Variants in MAGI2 observed in about 807,000 individuals in gnomAD.
MAGI2 encodes membrane associated guanylate kinase, WW and PDZ domain containing 2.
MAGI2 carries 35 observed loss-of-function variants against 133.3 expected under a neutral mutation model. That is an observed-to-expected ratio of 0.26 (90% confidence interval 0.20 to 0.35). The LOEUF (loss-of-function observed/expected upper bound fraction) is 0.35, where lower values mean the gene tolerates loss of function less well. MAGI2 is among the 10% of genes least tolerant of loss of function. The pLI is 1.00. For missense variants in MAGI2, 1,636 were observed against 1,863.4 expected (o/e 0.88, Z 2.25); for synonymous variants, 729 against 710.6 (o/e 1.03, Z -0.41).
intron 1 of MAGI2, among the ~76,000 whole-genome samples, chr7:79,252,742 A>T (rs1833402066): frequency 6.6e-6 from 1 of 152,186 alleles, no homozygotes; most frequent in African/African-American, 2.4e-5. Flanking sequence ...CCTACTATGT[A>T]CCCACAAATA....
intron 2 of MAGI2, among the ~76,000 whole-genome samples, chr7:78,834,592 T>C (rs975319684): frequency 3.9e-5 from 6 of 152,208 alleles, no homozygotes; most frequent in Admixed American, 6.5e-5. Flanking sequence ...AGTTGATGCA[T>C]TTAGGTTGCT....
chr7:78,247,765 CA>C (rs1426953425), intron 10 of MAGI2, among the ~76,000 whole-genome samples: 1 of 151,680 alleles, frequency 6.6e-6, no homozygotes, highest in African/African-American at 2.4e-5. Flanking sequence ...GAGGGGAAAA[CA>C]AAAACAAAAA....
intron 3 of MAGI2, among the ~76,000 whole-genome samples, chr7:78,611,239 T>C (rs1309165462): frequency 1.3e-5 from 2 of 152,232 alleles, no homozygotes; most frequent in Non-Finnish European, 2.9e-5. Flanking sequence ...TATTATTTCA[T>C]TGGCCCTGGC....
intron 1 of MAGI2, among the ~76,000 whole-genome samples, chr7:79,174,341 T>C (rs1017550772): frequency 5.9e-5 from 9 of 152,028 alleles, no homozygotes; most frequent in African/African-American, 1.9e-4. Context: ...GATATATGTA[T>C]ATAAGATCGC....
chr7:79,336,495 A>G (rs1466208753), intron 1 of MAGI2, among the ~76,000 whole-genome samples: 3 of 152,196 alleles, frequency 2.0e-5, no homozygotes, highest in Admixed American at 6.5e-5. Context: ...CAAATTATGT[A>G]TAAGAAAAAA....
intron 2 of MAGI2, among the ~76,000 whole-genome samples, chr7:78,793,554 T>C (rs539184375): frequency 9.7e-4 from 147 of 152,284 alleles, no homozygotes; most frequent in Non-Finnish European, 1.8e-3. Flanking sequence ...GACTGATAGA[T>C]GGTTCAATAT....
chr7:79,200,445 T>TA (rs34446005), intron 1 of MAGI2, among the ~76,000 whole-genome samples: 1,407 of 137,910 alleles, frequency 0.01, 15 homozygotes, highest in Non-Finnish European at 0.012. Flanking sequence ...TCTACAAAAT[T>TA]AAAAAAAAAA....
intron 6 of MAGI2, among the ~76,000 whole-genome samples, chr7:78,467,742 T>C (rs972510755): frequency 5.3e-5 from 8 of 152,124 alleles, no homozygotes; most frequent in Admixed American, 2.0e-4. Flanking sequence ...ACTTACGTAC[T>C]AGGTTGTTTA....
chr7:78,685,489 C>T (rs1816186564), intron 2 of MAGI2, among the ~76,000 whole-genome samples: 1 of 151,170 alleles, frequency 6.6e-6, no homozygotes, highest in Admixed American at 6.6e-5. Flanking sequence ...TTAACAGCCC[C>T]ACGAGTAAAA....
chr7:79,214,630 A>G (rs1437925319), intron 1 of MAGI2, among the ~76,000 whole-genome samples: 1 of 141,396 alleles, frequency 7.1e-6, no homozygotes, highest in Non-Finnish European at 1.5e-5. Context: ...AAATATATAT[A>G]AATTTTATAT....
chr7:78,749,763 C>T (rs1378372693), intron 2 of MAGI2, among the ~76,000 whole-genome samples: 6 of 152,074 alleles, frequency 3.9e-5, no homozygotes, highest in Non-Finnish European at 7.4e-5. Context: ...ATAGATGATG[C>T]TGGCAGATAG....
At chr7:78,791,666 C>A (rs962355009) in intron 2 of MAGI2, among the ~76,000 whole-genome samples, 6 of 151,814 alleles carry the variant, frequency 4.0e-5, no homozygotes, top group Admixed American at 3.9e-4. Context: ...TCTCCTGCCT[C>A]AGCCTCCCGA....
At chr7:79,343,605 A>G (rs960519143) in intron 1 of MAGI2, among the ~76,000 whole-genome samples, 1 of 151,884 alleles carries the variant, frequency 6.6e-6, no homozygotes, top group African/African-American at 2.4e-5. Flanking sequence ...TAATTTTGAA[A>G]GTAATATATA....
At chr7:78,553,215 T>A (rs922543047) in intron 3 of MAGI2, among the ~76,000 whole-genome samples, 1 of 152,220 alleles carries the variant, frequency 6.6e-6, no homozygotes, top group African/African-American at 2.4e-5. Flanking sequence ...CTGTTCGCAG[T>A]CTTACAATTG....
intron 2 of MAGI2, among the ~76,000 whole-genome samples, chr7:78,779,048 A>G (rs1013508490): frequency 1.3e-5 from 2 of 151,916 alleles, no homozygotes; most frequent in African/African-American, 4.8e-5. Flanking sequence ...TGGGGACTGC[A>G]GGCACATGTG....
chr7:78,401,187 CA>C (rs34587769), intron 6 of MAGI2, among the ~76,000 whole-genome samples: 32 of 148,466 alleles, frequency 2.2e-4, no homozygotes, highest in South Asian at 4.3e-4. Flanking sequence ...CACCAACAAC[CA>C]AAAAAAAAAA....
intron 6 of MAGI2, among the ~76,000 whole-genome samples, chr7:78,462,559 A>G (rs1790174938): frequency 2.0e-5 from 3 of 152,222 alleles, no homozygotes; most frequent in African/African-American, 4.8e-5. Flanking sequence ...ATTACTGTAC[A>G]TTCTATTAAA....
chr7:79,253,692 T>C (rs918968328), intron 1 of MAGI2, among the ~76,000 whole-genome samples: 7 of 152,042 alleles, frequency 4.6e-5, no homozygotes, highest in African/African-American at 1.4e-4. Flanking sequence ...TACCCAATTA[T>C]AGTAAAAATG....
At chr7:79,170,341 G>A (rs1330560716) in intron 1 of MAGI2, among the ~76,000 whole-genome samples, 1 of 150,830 alleles carries the variant, frequency 6.6e-6, no homozygotes, top group African/African-American at 2.4e-5. Flanking sequence ...CCTGGCTAAT[G>A]TTTTAAAAAA....
Sources: allele counts gnomAD v4.1 joint callset (sites outside exome capture counted in the v4.1 genomes callset), GRCh38; gene constraint gnomAD v4.1.1; transcripts MANE v1.5; gene names NCBI Gene and HGNC (gene_info 2026-07-23, HGNC 2026-07-21).